The following BTD variants were observed in gnomAD, a reference collection of about 807,000 sequenced individuals.
BTD encodes the protein biocytinase.
A neutral mutation model predicts 17.7 loss-of-function variants in BTD; 13 were observed. The ratio of observed to expected loss-of-function variants is 0.74; its 90% CI spans 0.48 to 1.17. The LOEUF (loss-of-function observed/expected upper bound fraction) is 1.17, where lower values mean the gene tolerates loss of function less well. BTD is among the 50% of genes most tolerant of loss of function. The pLI is 0.00. For synonymous variants in BTD, 240 were observed against 245.2 expected, an observed-to-expected ratio of 0.98 and a Z score of 0.20; for missense variants, 674 against 650.4, an observed-to-expected ratio of 1.04 and a Z score of -0.39.
intron 3 of BTD, among the ~76,000 whole-genome samples, chr3:15,707,744 A>G (rs1337078881): frequency 1.3e-5 from 2 of 152,272 alleles, no homozygotes; most frequent in Non-Finnish European, 2.9e-5. Flanking sequence ...GAGAATAGGT[A>G]GTAATAACTA....
Position 15,633,439 on chromosome 3 carries a change from C to T in BTD, c.-16-1985C>T, listed in dbSNP as rs185080831. Among the ~76,000 whole-genome samples the T allele has an allele frequency of 2.0e-3, 305 of 152,300 alleles. 2 individuals are homozygous for T. Among genetic ancestry groups the T allele is most frequent in the Non-Finnish European group, 3.6e-3 (246 of 68,028 alleles). On this transcript the variant is annotated intron_variant, in intron 1 of 3. Transcript: ENST00000643237. ...TGATTGCCACTTAGAGCTCTCCTAC[C>T]GGGCTCCTTTTGTAAAATAAATTTT...
intron 1 of BTD, among the ~76,000 whole-genome samples, chr3:15,634,816 G>C (rs963784959): frequency 3.3e-5 from 5 of 152,158 alleles, no homozygotes; most frequent in Admixed American, 6.5e-5. Context: ...GTAGCTATTG[G>C]CATTTATGTA....
intron 1 of BTD, chr3:15,629,923 A>G (rs1013565628): frequency 4.4e-6 from 2 of 459,654 alleles, no homozygotes; most frequent in African/African-American, 4.2e-5. Context: ...AGATAAAAAA[A>G]TAATAATAAT....
chr3:15,604,934 T>G (rs1313978962), intron 1 of BTD, among the ~76,000 whole-genome samples: 1 of 152,220 alleles, frequency 6.6e-6, no homozygotes, highest in African/African-American at 2.4e-5. Context: ...TTCCAAACTT[T>G]CCCACATTTT....
intron 3 of BTD, among the ~76,000 whole-genome samples, chr3:15,701,256 T>C (rs1252482958): frequency 6.6e-6 from 1 of 152,226 alleles, no homozygotes; most frequent in Non-Finnish European, 1.5e-5. Context: ...GAATCTTCAT[T>C]GTAATATCTT....
intron 1 of BTD, among the ~76,000 whole-genome samples, chr3:15,612,890 T>A (rs1048166247): frequency 6.6e-6 from 1 of 152,212 alleles, no homozygotes; most frequent in Non-Finnish European, 1.5e-5. Context: ...TGGTCTCATC[T>A]GAGGCTGAGT....
At chr3:15,685,370 C>T (rs1373374620) in intron 3 of BTD, 2 of 1,613,992 alleles carry the variant, frequency 1.2e-6, no homozygotes, top group East Asian at 2.2e-5. Flanking sequence ...GGCGTCCGGC[C>T]CCTGCTATCC....
intron 3 of BTD, chr3:15,694,853 C>T (rs375708257): frequency 2.4e-4 from 384 of 1,574,496 alleles, no homozygotes; most frequent in Non-Finnish European, 3.2e-4. Flanking sequence ...GAAAGACATA[C>T]TACAGCAATT....
intron 3 of BTD, chr3:15,669,281 G>A (rs2066147153): frequency 6.6e-6 from 1 of 152,086 alleles, no homozygotes; most frequent in African/African-American, 2.4e-5. Flanking sequence ...CCAACCCATG[G>A]TGGGGACACA....
At chr3:15,702,035 A>C (rs1040748032) in intron 3 of BTD, among the ~76,000 whole-genome samples, 5 of 152,204 alleles carry the variant, frequency 3.3e-5, no homozygotes, top group Admixed American at 3.3e-4. Context: ...ATTCTAATAC[A>C]ATTTCTTTTA....
chr3:15,702,988 T>TGG (rs1354377004), intron 3 of BTD, among the ~76,000 whole-genome samples: 3 of 152,182 alleles, frequency 2.0e-5, no homozygotes, highest in Non-Finnish European at 4.4e-5. Flanking sequence ...TTTCACAGAT[T>TGG]AAATAGGCAC....
chr3:15,710,028 G>A (rs1331628740), intron 3 of BTD, among the ~76,000 whole-genome samples: 1 of 115,154 alleles, frequency 8.7e-6, no homozygotes, highest in East Asian at 2.7e-4. Flanking sequence ...GAAACAACTT[G>A]CTTATAGGTT....
At chr3:15,668,341 T>C (rs1188955835) in intron 3 of BTD, 1 of 152,112 alleles carries the variant, frequency 6.6e-6, no homozygotes, top group East Asian at 1.9e-4. Flanking sequence ...ATGTATACTT[T>C]TAGAATCTGC....
chr3:15,603,217 T>C (rs1490138846), intron 1 of BTD, among the ~76,000 whole-genome samples: 1 of 152,138 alleles, frequency 6.6e-6, no homozygotes, highest in African/African-American at 2.4e-5. Context: ...CTCCCAAATA[T>C]CATATCCTCA....
chr3:15,690,039 C>T (rs2068605135), intron 3 of BTD: 2 of 1,609,418 alleles, frequency 1.2e-6, no homozygotes, highest in Non-Finnish European at 1.7e-6. Flanking sequence ...AATAGGTGTC[C>T]TCTTCAAAAT....
At chr3:15,619,601 T>C (rs1002900502) in intron 1 of BTD, among the ~76,000 whole-genome samples, 2 of 152,252 alleles carry the variant, frequency 1.3e-5, no homozygotes, top group East Asian at 1.9e-4. Flanking sequence ...GTTTTTGCCA[T>C]TGAAAGTAAT....
chr3:15,684,935 G>A (rs1575136106), intron 3 of BTD: 1 of 325,538 alleles, frequency 3.1e-6, no homozygotes, highest in East Asian at 7.8e-5. Flanking sequence ...ACCAGCCTGG[G>A]CAACATAGCA....
intron 3 of BTD, among the ~76,000 whole-genome samples, chr3:15,660,009 A>C (rs907471540): frequency 6.6e-6 from 1 of 152,240 alleles, no homozygotes; most frequent in Non-Finnish European, 1.5e-5. Flanking sequence ...CATAAACCCA[A>C]TGGAAAATAT....
chr3:15,656,362 C>A (rs1375210322), downstream of BTD, among the ~76,000 whole-genome samples: 1 of 152,208 alleles, frequency 6.6e-6, no homozygotes, highest in Non-Finnish European at 1.5e-5. Flanking sequence ...CTCACGTCCC[C>A]TTCCCCTCCA....
Sources: allele counts gnomAD v4.1 joint callset (sites outside exome capture counted in the v4.1 genomes callset), GRCh38; gene constraint gnomAD v4.1.1; transcripts MANE v1.5; gene names NCBI Gene and HGNC (gene_info 2026-07-23, HGNC 2026-07-21).